SORCS3: variants seen among roughly 807,000 people sequenced by gnomAD.
SORCS3 encodes VPS10 domain-containing receptor SorCS3.
In SORCS3, 57 loss-of-function variants were observed where a neutral mutation model predicts 146.3. That is an observed-to-expected ratio of 0.39 (90% CI 0.31 to 0.49). The LOEUF is 0.49. Among genes scored for constraint, SORCS3 ranks in the 20% least tolerant of loss-of-function variants. The pLI is 0.92. For missense variants in SORCS3, 1,341 were observed against 1,575.5 expected, an observed-to-expected ratio of 0.85 and a Z score of 2.52; for synonymous variants, 653 against 618.5, an observed-to-expected ratio of 1.06 and a Z score of -0.83.
intron 14 of SORCS3, among the ~76,000 whole-genome samples, chr10:105,188,353 C>G (rs2056492200): frequency 6.6e-6 from 1 of 152,066 alleles, no homozygotes; most frequent in Non-Finnish European, 1.5e-5. Context: ...AAAAAATCAT[C>G]TCCCAGATAA....
intron 2 of SORCS3, among the ~76,000 whole-genome samples, chr10:104,895,328 G>A (rs2018787893): frequency 6.6e-6 from 1 of 152,196 alleles, no homozygotes; most frequent in Non-Finnish European, 1.5e-5. Context: ...GAGGAAAGAT[G>A]CCCTCAGGTG....
chr10:104,727,165 G>A (rs1422917523), intron 1 of SORCS3, among the ~76,000 whole-genome samples: 1 of 152,232 alleles, frequency 6.6e-6, no homozygotes, highest in African/African-American at 2.4e-5. Flanking sequence ...TGTGGTAGAT[G>A]TTGAGATATT....
chr10:104,980,981 C>T (rs578100703), intron 4 of SORCS3, among the ~76,000 whole-genome samples: 25 of 152,148 alleles, frequency 1.6e-4, no homozygotes, highest in Non-Finnish European at 3.1e-4. Flanking sequence ...TACCTGATAC[C>T]GGCCAAGGCC....
At chr10:104,777,839 C>T (rs1029822682) in intron 1 of SORCS3, among the ~76,000 whole-genome samples, 5 of 152,140 alleles carry the variant, frequency 3.3e-5, no homozygotes, top group African/African-American at 1.2e-4. Flanking sequence ...GATTAGGTTC[C>T]TGTTTTACAA....
chr10:104,859,212 C>T (rs1453393459), intron 2 of SORCS3, among the ~76,000 whole-genome samples: 1 of 152,076 alleles, frequency 6.6e-6, no homozygotes, highest in Non-Finnish European at 1.5e-5. Context: ...CTCCTGCTGC[C>T]GGAAAATGTC....
intron 1 of SORCS3, among the ~76,000 whole-genome samples, chr10:104,782,751 A>G (rs984461732): frequency 2.0e-5 from 3 of 152,062 alleles, no homozygotes; most frequent in African/African-American, 7.2e-5. Flanking sequence ...GGAAAATCAC[A>G]TTATCTTTCT....
intron 2 of SORCS3, among the ~76,000 whole-genome samples, chr10:104,845,332 T>A (rs570844289): frequency 1.3e-5 from 2 of 152,214 alleles, no homozygotes; most frequent in Non-Finnish European, 2.9e-5. Context: ...TCACTTTAAT[T>A]CAGTGCTGTA....
At position 104,928,506 on chromosome 10, in the gene SORCS3, A is replaced by G. The variant is rs1382678339; in HGVS notation, c.795+12574A>G. Among the ~76,000 whole-genome samples the G allele has an allele frequency of 2.0e-5, 3 of 150,536 alleles. No homozygotes were observed. The East Asian group carries it at 5.8e-4, about 29-fold the overall frequency. ...GATATCTGTAACAAATACAATCACC[A>G]CCACTGGTGAAAGAAATGACTCGAT... On this transcript the variant is annotated intron_variant, in intron 3 of 26. Transcript: ENST00000369701.
At chr10:104,876,056 C>G (rs1051572174) in intron 2 of SORCS3, among the ~76,000 whole-genome samples, 2 of 152,044 alleles carry the variant, frequency 1.3e-5, no homozygotes, top group Non-Finnish European at 2.9e-5. Context: ...GGTCAAATGC[C>G]AATAAAGTAG....
intron 1 of SORCS3, among the ~76,000 whole-genome samples, chr10:104,762,805 G>T (rs192776771): frequency 6.6e-6 from 1 of 152,118 alleles, no homozygotes; most frequent in Non-Finnish European, 1.5e-5. Context: ...GTTTCCTGAG[G>T]CTTCTCTAGC....
In SORCS3 at chr10:105,065,109, G is replaced by A. The variant is rs910227368; in HGVS notation, c.1028+21981G>A. Among the ~76,000 whole-genome samples the A allele has an allele frequency of 4.6e-5, 7 of 152,212 alleles. No homozygotes were observed. The South Asian group carries it at 1.5e-3, about 32-fold the overall frequency. The stretch of plus-strand genomic sequence containing the variant: ...TCTTGATCTGTGTGAGTGAATATGG[G>A]GAGATTCAGTCATTGTGGCTGACAT... On this transcript the variant is annotated intron_variant, in intron 5 of 26. Coordinates refer to ENST00000369701, the MANE Select transcript of SORCS3 (RefSeq NM_014978.3).
chr10:104,778,097 A>G (rs2017330364), intron 1 of SORCS3, among the ~76,000 whole-genome samples: 1 of 152,188 alleles, frequency 6.6e-6, no homozygotes, highest in Admixed American at 6.5e-5. Flanking sequence ...GTATATTTCA[A>G]AGTAGCTAGA....
At chr10:105,058,242 C>T (rs1366420255) in intron 5 of SORCS3, among the ~76,000 whole-genome samples, 1 of 152,118 alleles carries the variant, frequency 6.6e-6, no homozygotes, top group Non-Finnish European at 1.5e-5. Context: ...ATAAAAGGCA[C>T]CACAGTGTGC....
intron 6 of SORCS3, among the ~76,000 whole-genome samples, chr10:105,095,638 A>T (rs1222229718): frequency 6.7e-6 from 1 of 149,502 alleles, no homozygotes; most frequent in Admixed American, 6.7e-5. Context: ...ATTAGGTACC[A>T]CTCTTTCTGC....
At chr10:104,959,484 G>A (rs2054780441) in intron 3 of SORCS3, among the ~76,000 whole-genome samples, 1 of 152,084 alleles carries the variant, frequency 6.6e-6, no homozygotes, top group Admixed American at 6.5e-5. Flanking sequence ...CTCATCAGAT[G>A]CTGAATCTGC....
At chr10:104,795,095 A>G (rs1331362240) in intron 1 of SORCS3, among the ~76,000 whole-genome samples, 1 of 152,260 alleles carries the variant, frequency 6.6e-6, no homozygotes, top group East Asian at 1.9e-4. Context: ...TACACACACA[A>G]TTAAAATCAG....
At chr10:104,967,569 G>A (rs908863978) in intron 3 of SORCS3, among the ~76,000 whole-genome samples, 3 of 152,072 alleles carry the variant, frequency 2.0e-5, no homozygotes, top group Admixed American at 2.0e-4. Flanking sequence ...CAAAGTTCAG[G>A]AATAATGGGA....
intron 4 of SORCS3, among the ~76,000 whole-genome samples, chr10:105,000,194 T>C (rs1460860717): frequency 6.6e-6 from 1 of 152,156 alleles, no homozygotes; most frequent in Non-Finnish European, 1.5e-5. Context: ...AGAGTGGGAA[T>C]AGAAACTATT....
chr10:105,017,252 T>A (rs1046950739), intron 4 of SORCS3, among the ~76,000 whole-genome samples: 2 of 151,868 alleles, frequency 1.3e-5, no homozygotes, highest in Non-Finnish European at 2.9e-5. Context: ...ACACAGGAAG[T>A]GGTGGTGGTA....
Sources: allele counts gnomAD v4.1 joint callset (sites outside exome capture counted in the v4.1 genomes callset), GRCh38; gene constraint gnomAD v4.1.1; transcripts MANE v1.5; gene names NCBI Gene and HGNC (gene_info 2026-07-23, HGNC 2026-07-21).